Variants in KATNAL2 observed in about 807,000 individuals in gnomAD.
KATNAL2 encodes the protein katanin catalytic subunit A1 like 2, also known as katanin p60 ATPase-containing subunit A-like 2.
KATNAL2 carries 52 observed loss-of-function variants against 76.3 expected under a neutral mutation model. The ratio of observed to expected loss-of-function variants is 0.68; its 90% CI spans 0.55 to 0.86. KATNAL2 has a LOEUF of 0.86. Among genes scored for constraint, KATNAL2 ranks in the 40% least tolerant of loss-of-function variants. The pLI, the probability that KATNAL2 is intolerant of heterozygous loss-of-function variation, is 0.00. For synonymous variants in KATNAL2, 243 were observed against 244.2 expected (o/e 1.00, Z 0.05); for missense variants, 660 against 668.9 (o/e 0.99, Z 0.15).
At chr18:47,039,227 A>T (rs1327834651) in intron 3 of KATNAL2, among the ~76,000 whole-genome samples, 1 of 152,200 alleles carries the variant, frequency 6.6e-6, no homozygotes, top group Non-Finnish European at 1.5e-5. Flanking sequence ...TTTGCATTTT[A>T]AAATATCTTT....
chr18:47,051,192 T>C lies in KATNAL2; in HGVS notation c.123-1688T>C, dbSNP rs558234469. Among the ~76,000 whole-genome samples the C allele has an allele frequency of 3.9e-5, 6 of 152,208 alleles. No individual in the cohort carries two copies. In the East Asian group the frequency reaches 7.7e-4, roughly 20 times the overall value. ...CCAACCACATCGAATTCAAACCTCA[T>C]TCAAGCTCAGCTCACTTGAGACCAG... On this transcript the variant is annotated intron_variant, in intron 4 of 17. Transcript: ENST00000683218.
At chr18:47,033,749 G>T (rs533499836) in intron 3 of KATNAL2, 4 of 1,614,092 alleles carry the variant, frequency 2.5e-6, no homozygotes, top group African/African-American at 1.3e-5. Context: ...TTCACTCTGC[G>T]TCCAGGGAAA....
In KATNAL2 at chr18:46,946,836, C is replaced by A; in HGVS notation, c.-19-18C>A. On this transcript the variant is annotated intron_variant, in intron 2 of 17. Coordinates refer to ENST00000683218, the MANE Select transcript of KATNAL2 (RefSeq NM_001387690.1). ...GACCGGTCAGCCCAGTAACTGACTA[C>A]TTTTCTCCCTTCTCTAGGGTCCTAG... The A allele has an allele frequency of 6.5e-7, 1 of 1,533,052 alleles. No individual in the cohort carries two copies. The highest frequency in any genetic ancestry group is 8.7e-7 in the Non-Finnish European group (1 of 1,144,738). The allele number at this position is 1,533,052 out of a possible 1,614,324, so 95.0% of individuals were successfully genotyped here. A position where few individuals can be genotyped will look rare whatever the true frequency, so the allele number is the denominator to read the frequency against.
chr18:46,924,287 T>C (rs1246546678), intron 1 of KATNAL2, among the ~76,000 whole-genome samples: 4 of 152,270 alleles, frequency 2.6e-5, no homozygotes, highest in African/African-American at 9.6e-5. Flanking sequence ...TTCAGCTTTC[T>C]GCATATGGCT....
At chr18:47,082,119 A>G (rs2062553572) in intron 15 of KATNAL2, among the ~76,000 whole-genome samples, 1 of 152,244 alleles carries the variant, frequency 6.6e-6, no homozygotes, top group Non-Finnish European at 1.5e-5. Context: ...CACCAATACT[A>G]TCTTGACAGT....
At chr18:47,064,293 G>A (rs1400118815) in intron 10 of KATNAL2, among the ~76,000 whole-genome samples, 1 of 152,108 alleles carries the variant, frequency 6.6e-6, no homozygotes, top group African/African-American at 2.4e-5. Flanking sequence ...AATCGCTAAG[G>A]GAAAAAGTGG....
In KATNAL2 at chr18:47,035,248, G is replaced by T. The variant is rs61738602; in HGVS notation, c.52-11209G>T. On this transcript the variant is annotated intron_variant, in intron 3 of 17. Transcript: ENST00000683218. ...CAGCTTCTCCACTGCGTGCAGCGTA[G>T]TGGACCCTGCCGCCATCTCACCAGA... The T allele has an allele frequency of 7.1e-5, 115 of 1,612,648 alleles. No homozygotes were observed. The highest frequency in any genetic ancestry group is 6.8e-5 in the Non-Finnish European group (80 of 1,179,834).
At chr18:46,924,897 G>A (rs932998781) in intron 1 of KATNAL2, among the ~76,000 whole-genome samples, 1 of 152,200 alleles carries the variant, frequency 6.6e-6, no homozygotes, top group Non-Finnish European at 1.5e-5. Flanking sequence ...TGTTATTGGT[G>A]TATAAGAATG....
chr18:46,939,335 A>G (rs1050121039), intron 1 of KATNAL2, among the ~76,000 whole-genome samples: 15 of 98,740 alleles, frequency 1.5e-4, no homozygotes, highest in Non-Finnish European at 3.2e-4. Flanking sequence ...TGCATCTCAC[A>G]ATTAAAAAAA....
chr18:47,076,335 C>T (rs1233506549), intron 14 of KATNAL2: 4 of 152,232 alleles, frequency 2.6e-5, no homozygotes, highest in African/African-American at 4.8e-5. Context: ...CTCAGCTTAA[C>T]TGGAGCTGGT....
chr18:47,032,830 G>T, intron 3 of KATNAL2: 1 of 1,265,828 alleles, frequency 7.9e-7, no homozygotes, highest in Non-Finnish European at 1.1e-6. Context: ...GTAGTGGCTG[G>T]GTGTGGGAGG....
intron 15 of KATNAL2, among the ~76,000 whole-genome samples, chr18:47,097,972 T>C (rs1048788513): frequency 5.9e-5 from 9 of 152,188 alleles, no homozygotes; most frequent in East Asian, 3.9e-4. Flanking sequence ...AATGATATTG[T>C]GGCTATGTAA....
intron 3 of KATNAL2, among the ~76,000 whole-genome samples, chr18:47,042,019 A>T (rs958806754): frequency 6.6e-6 from 1 of 151,286 alleles, no homozygotes; most frequent in Non-Finnish European, 1.5e-5. Context: ...GTGTCAGTTC[A>T]TGTGTTTTGC....
chr18:47,048,492 G>C (rs890527609), intron 4 of KATNAL2, among the ~76,000 whole-genome samples: 2 of 152,224 alleles, frequency 1.3e-5, no homozygotes, highest in African/African-American at 4.8e-5. Flanking sequence ...TTAGCAGACA[G>C]GCAGGCCATC....
intron 3 of KATNAL2, among the ~76,000 whole-genome samples, chr18:46,961,325 C>A (rs1268967730): frequency 1.3e-5 from 2 of 152,080 alleles, no homozygotes; most frequent in Non-Finnish European, 2.9e-5. Flanking sequence ...AGTGGTGGTC[C>A]CCACCTCATT....
chr18:47,069,413 C>T, intron 12 of KATNAL2, 69 bp from the exon 13 acceptor site: 1 of 1,405,978 alleles, frequency 7.1e-7, no homozygotes, highest in Non-Finnish European at 1.0e-6. Context: ...GTGTGTGAGA[C>T]TGACTTCTGT....
intron 1 of KATNAL2, among the ~76,000 whole-genome samples, chr18:46,938,515 A>C (rs769346530): frequency 2.6e-5 from 4 of 152,228 alleles, no homozygotes; most frequent in Non-Finnish European, 5.9e-5. Context: ...TGTATGCTTA[A>C]GATATTTTAT....
At chr18:46,949,640 C>A (rs11660085) in intron 3 of KATNAL2, among the ~76,000 whole-genome samples, 1 of 152,070 alleles carries the variant, frequency 6.6e-6, no homozygotes, top group East Asian at 1.9e-4. Context: ...ACCATTCATC[C>A]GATTGCTCAA....
intron 15 of KATNAL2, among the ~76,000 whole-genome samples, chr18:47,092,328 G>A (rs1385662463): frequency 6.6e-6 from 1 of 151,914 alleles, no homozygotes; most frequent in African/African-American, 2.4e-5. Context: ...GCGAAATCCC[G>A]TTTCTACCAA....
Sources: gnomAD v4.1 joint callset for allele counts (sites outside exome capture counted in the v4.1 genomes callset) on GRCh38, gnomAD v4.1.1 for gene constraint, MANE v1.5 for transcripts, NCBI Gene and HGNC (gene_info 2026-07-23, HGNC 2026-07-21) for gene names.